Variants in MAP2K6 observed in about 807,000 individuals in gnomAD.
MAP2K6 encodes mitogen-activated protein kinase kinase 6.
A neutral mutation model predicts 53.7 loss-of-function variants in MAP2K6; 16 were observed. The ratio of observed to expected loss-of-function variants is 0.30; its 90% confidence interval spans 0.20 to 0.45. The LOEUF is 0.45. Ranked by LOEUF, MAP2K6 falls within the 20% of genes least tolerant of loss-of-function variation. The probability of loss-of-function intolerance (pLI) is 1.00; values close to 1 mark genes in which losing one functional copy is unlikely to be tolerated. For synonymous variants in MAP2K6, 132 were observed against 143.1 expected, an observed-to-expected ratio of 0.92 and a Z score of 0.55; for missense variants, 204 against 411.9, an observed-to-expected ratio of 0.50 and a Z score of 4.37.
chr17:69,422,121 G>A (rs557287535), intron 1 of MAP2K6, among the ~76,000 whole-genome samples: 1 of 135,876 alleles, frequency 7.4e-6, no homozygotes, highest in South Asian at 2.4e-4. Context: ...AGAAATCATC[G>A]TAATTTTTTT....
At chr17:69,537,068 T>A (rs1334386604) in intron 11 of MAP2K6, among the ~76,000 whole-genome samples, 2 of 151,140 alleles carry the variant, frequency 1.3e-5, no homozygotes, top group Non-Finnish European at 2.9e-5. Flanking sequence ...GGCAACAGAG[T>A]GAGACCCTGT....
At chr17:69,535,869 A>G (rs569185638) in intron 10 of MAP2K6, among the ~76,000 whole-genome samples, 129 of 136,824 alleles carry the variant, frequency 9.4e-4, no homozygotes, top group Non-Finnish European at 1.2e-3. Flanking sequence ...GTAAAGTATC[A>G]AAAGGAAAGT....
chr17:69,453,686 C>A (rs946511072), intron 1 of MAP2K6, among the ~76,000 whole-genome samples: 1 of 152,150 alleles, frequency 6.6e-6, no homozygotes, highest in Non-Finnish European at 1.5e-5. Context: ...TTTTCTAGTC[C>A]TCTCTTTTAG....
At chr17:69,449,531 G>GTCTGTCTTTCTTTCTT (rs1907105582) in intron 1 of MAP2K6, among the ~76,000 whole-genome samples, 1 of 103,386 alleles carries the variant, frequency 9.7e-6, no homozygotes, top group African/African-American at 4.7e-5. Context: ...TTCTTTCTTT[G>GTCTGTCTTTCTTTCTT]TCTTTCTTTC....
In MAP2K6 at chr17:69,425,646, C is replaced by T. The variant is rs182951825; in HGVS notation, c.16+10646C>T. Among the ~76,000 whole-genome samples the T allele has an allele frequency of 2.5e-3, 384 of 152,288 alleles. 1 individual carries two copies. Among genetic ancestry groups the T allele is most frequent in the Non-Finnish European group, 2.8e-3 (189 of 68,010 alleles). ...AATTCTTTCTCGGCTTTCTCTCCAG[C>T]CAAAGCAGAACAGCTATACCTATGC... is the stretch of plus-strand genomic sequence containing the variant. On this transcript the variant is annotated intron_variant, in intron 1 of 11. Coordinates refer to ENST00000590474, the MANE Select transcript of MAP2K6 (RefSeq NM_002758.4).
At chr17:69,420,406 TAA>T (rs1906039587) in intron 1 of MAP2K6, among the ~76,000 whole-genome samples, 2 of 152,218 alleles carry the variant, frequency 1.3e-5, no homozygotes, top group Admixed American at 1.3e-4. Context: ...TTAAAATAAT[TAA>T]GTCTAGAATC....
rs936478275 is a variant in MAP2K6 at position 69,494,731 on chromosome 17, C to T, written c.17-11049C>T. ...AGTGCTATTAAAATTGTGGGCCGGG[C>T]GTGGTGGCTCATGCCTGTAATCCCA... is the stretch of plus-strand genomic sequence containing the variant. On this transcript the variant is annotated intron_variant, in intron 1 of 11. Transcript: ENST00000590474. This position sits in a 1 kb window ranked among gnomAD's most constrained non-coding sequence, Gnocchi z 4.2. Among the ~76,000 whole-genome samples, 2 of 151,652 alleles carry T rather than the reference C, an allele frequency of 1.3e-5. No individual in the cohort carries two copies. Among genetic ancestry groups the T allele is most frequent in the Middle Eastern group, 6.9e-3 (2 of 290 alleles).
intron 11 of MAP2K6, among the ~76,000 whole-genome samples, chr17:69,538,722 GTATTCTTTA>G (rs1911477378): frequency 6.6e-6 from 1 of 152,200 alleles, no homozygotes. Context: ...TGAAGGGTGT[GTATTCTTTA>G]AGATCATGTC....
intron 1 of MAP2K6, among the ~76,000 whole-genome samples, chr17:69,475,138 T>C (rs1355161314): frequency 6.6e-6 from 1 of 152,092 alleles, no homozygotes; most frequent in African/African-American, 2.4e-5. Context: ...CCTCTTGTTC[T>C]TGTTTAATTT....
chr17:69,501,916 A>ATT lies in MAP2K6; in HGVS notation c.17-3863_17-3862insTT, dbSNP rs1243529507. Among the ~76,000 whole-genome samples the ATT allele has an allele frequency of 9.4e-4, 95 of 100,620 alleles. 1 individual carries two copies. Among genetic ancestry groups the ATT allele is most frequent in the African/African-American group, 3.5e-3 (90 of 26,038 alleles). The allele number at this position is 100,620 out of a possible 152,430, so 66.0% of individuals were successfully genotyped here. A position where few individuals can be genotyped will look rare whatever the true frequency, so the allele number is the denominator to read the frequency against. On this transcript the variant is annotated intron_variant, in intron 1 of 11. Transcript: ENST00000590474. Reference sequence around the variant, plus strand: ...TTTATTATTCATAGTGCTCCCTCCCATGTTTTTTTTTTTTTTTTTTTAACA... The same window carrying ATT: ...TTTATTATTCATAGTGCTCCCTCCCATTTGTTTTTTTTTTTTTTTTTTTAACA...
rs1323835777 is a variant in MAP2K6, at chr17:69,547,970, TA to T, written c.*6218del. On this transcript the variant is annotated 3_prime_UTR_variant, in exon 12 of 12. Transcript: ENST00000590474. ...ATTGGGGAATTTGGGAGGTCAGACT[TA>T]CCTCAAACGTAGAAGAAGGCAGATA... 6.6e-6 allele frequency: 1 copy of T among 152,210 alleles called. No homozygotes were observed. The highest frequency in any genetic ancestry group is 2.4e-5 in the African/African-American group (1 of 41,460). The allele number at this position is 152,210 out of a possible 1,614,324, so 9.4% of individuals were successfully genotyped here.
chr17:69,470,429 A>C (rs569249056), intron 1 of MAP2K6, among the ~76,000 whole-genome samples: 1 of 152,142 alleles, frequency 6.6e-6, no homozygotes, highest in East Asian at 1.9e-4. Flanking sequence ...TAGATGCTTC[A>C]TCCGTCAGGG....
At chr17:69,448,653 C>G (rs181831547) in intron 1 of MAP2K6, among the ~76,000 whole-genome samples, 1 of 152,038 alleles carries the variant, frequency 6.6e-6, no homozygotes, top group Non-Finnish European at 1.5e-5. Context: ...GTGGCTCACT[C>G]TTTTAGCCAT....
At chr17:69,468,570 A>G (rs1287664518) in intron 1 of MAP2K6, among the ~76,000 whole-genome samples, 1 of 152,248 alleles carries the variant, frequency 6.6e-6, no homozygotes, top group East Asian at 1.9e-4. Context: ...AAGGGAAGGT[A>G]TCCTTTGCGT....
At chr17:69,468,153 G>A (rs1478097574) in intron 1 of MAP2K6, among the ~76,000 whole-genome samples, 1 of 152,192 alleles carries the variant, frequency 6.6e-6, no homozygotes, top group Non-Finnish European at 1.5e-5. Flanking sequence ...TGCTTCTCCT[G>A]TGATAGTGTT....
intron 1 of MAP2K6, among the ~76,000 whole-genome samples, chr17:69,427,629 G>A (rs1906315399): frequency 6.6e-6 from 1 of 152,150 alleles, no homozygotes; most frequent in African/African-American, 2.4e-5. Flanking sequence ...TCAGTACAGT[G>A]TGAAGGAGGT....
At chr17:69,465,563 G>C (rs1224563094) in intron 1 of MAP2K6, among the ~76,000 whole-genome samples, 1 of 151,876 alleles carries the variant, frequency 6.6e-6, no homozygotes, top group Non-Finnish European at 1.5e-5. Context: ...AATGGTAGAG[G>C]TGACAAGGTA....
At chr17:69,441,832 G>A (rs908425116) in intron 1 of MAP2K6, among the ~76,000 whole-genome samples, 1 of 152,056 alleles carries the variant, frequency 6.6e-6, no homozygotes, top group Non-Finnish European at 1.5e-5. Flanking sequence ...GATTCTCCAC[G>A]GGGCCTCTGT....
chr17:69,468,499 T>TAACTAA (rs1476732456), intron 1 of MAP2K6, among the ~76,000 whole-genome samples: 2 of 152,194 alleles, frequency 1.3e-5, no homozygotes, highest in Non-Finnish European at 2.9e-5. Flanking sequence ...TACGCAAACA[T>TAACTAA]AACTAATGTG....
Sources: allele counts gnomAD v4.1 joint callset (sites outside exome capture counted in the v4.1 genomes callset), GRCh38; gene constraint gnomAD v4.1.1; non-coding constraint Gnocchi (gnomAD v3.1); transcripts MANE v1.5; gene names NCBI Gene and HGNC (gene_info 2026-07-23, HGNC 2026-07-21).